Variants in AGAP1 observed in about 807,000 individuals in gnomAD.
The protein encoded by AGAP1 is arf-GAP with GTPase, ANK repeat and PH domain-containing protein 1.
Under a neutral mutation model 105.3 loss-of-function variants are expected in AGAP1, and 29 were observed. That is an observed-to-expected ratio of 0.28 (90% CI 0.21 to 0.38). AGAP1 has a LOEUF of 0.38. Ranked by LOEUF, AGAP1 falls within the 10% of genes least tolerant of loss-of-function variation. AGAP1 has a pLI of 1.00. For synonymous variants in AGAP1, 509 were observed against 485.9 expected (o/e 1.05, Z -0.63); for missense variants, 998 against 1,165.1 (o/e 0.86, Z 2.09).
At chr2:235,852,787 TCAGACCAG>T in intron 9 of AGAP1, 1 of 1,535,596 alleles carries the variant, frequency 6.5e-7, no homozygotes, top group South Asian at 1.2e-5. Context: ...CGAGGGGTGG[TCAGACCAG>T]CCCGCATTGT....
At chr2:235,835,368 T>C (rs1175800076) in intron 9 of AGAP1, among the ~76,000 whole-genome samples, 2 of 152,166 alleles carry the variant, frequency 1.3e-5, no homozygotes, top group Admixed American at 1.3e-4. Context: ...AAATACACAG[T>C]GTATCTTGTG....
chr2:235,852,007 A>G (rs1429679908), intron 9 of AGAP1, among the ~76,000 whole-genome samples: 2 of 152,200 alleles, frequency 1.3e-5, no homozygotes, highest in Non-Finnish European at 2.9e-5. Flanking sequence ...ACCTCCGCTG[A>G]ATAGAGCCCA....
At chr2:235,634,153 A>G (rs1304471546) in intron 1 of AGAP1, among the ~76,000 whole-genome samples, 1 of 152,200 alleles carries the variant, frequency 6.6e-6, no homozygotes, top group African/African-American at 2.4e-5. Context: ...TTTTCCCACA[A>G]TTAATCTTGT....
At chr2:235,654,320 C>G (rs138386462) in intron 1 of AGAP1, among the ~76,000 whole-genome samples, 1 of 152,168 alleles carries the variant, frequency 6.6e-6, no homozygotes, top group Admixed American at 6.5e-5. Context: ...CCAATTGATT[C>G]CTCTGTGCTC....
chr2:235,660,488 T>G lies in AGAP1; in HGVS notation c.164-48691T>G, dbSNP rs989302041. Among the ~76,000 whole-genome samples the G allele has an allele frequency of 3.3e-5, 5 of 152,032 alleles. No individual in the cohort carries two copies. The highest frequency in any genetic ancestry group is 5.9e-5 in the Non-Finnish European group (4 of 68,008). On this transcript the variant is annotated intron_variant, in intron 1 of 17. Coordinates refer to ENST00000304032, the MANE Select transcript of AGAP1 (RefSeq NM_001037131.3). The surrounding 1 kb of genome is among the most constrained non-coding windows in gnomAD (Gnocchi z 5.3). ...GGAGGGGGTTCTATAAATGGAAGTG[T>G]CAGAGCAGGGTGACAGATGCCAAGG...
rs2058107074 is a variant in AGAP1 at position 236,058,549 on chromosome 2, G to A, written c.2114+9268G>A. 6.6e-6 allele frequency among the ~76,000 whole-genome samples: 1 copy of A among 152,114 alleles called. No individual in the cohort carries two copies. Among genetic ancestry groups the A allele is most frequent in the Non-Finnish European group, 1.5e-5 (1 of 68,024 alleles). ...GCCCTTTCATGGTAACAAACACTCA[G>A]CAAACTAGAAATAAAAGGAAACTTG... On this transcript the variant is annotated intron_variant, in intron 16 of 17. Transcript: ENST00000304032. The surrounding 1 kb of genome is among the most constrained non-coding windows in gnomAD (Gnocchi z 4.6).
Position 235,744,900 on chromosome 2 carries a change from A to G in AGAP1, c.538+61A>G. The G allele has an allele frequency of 6.4e-7, 1 of 1,560,578 alleles. No homozygotes were observed. The highest frequency in any genetic ancestry group is 2.3e-5 in the East Asian group (1 of 43,546). Reference sequence around the variant, plus strand: ...GTTCTAACAGTTACATATTTTCAGTATGGAGGAGTTTAAAAAATGCTTTAA... The same window carrying G: ...GTTCTAACAGTTACATATTTTCAGTGTGGAGGAGTTTAAAAAATGCTTTAA... On this transcript the variant is annotated intron_variant, in intron 5 of 17. Transcript: ENST00000304032. This position sits in a 1 kb window ranked among gnomAD's most constrained non-coding sequence, Gnocchi z 5.2.
Position 235,550,282 on chromosome 2 carries a change from C to T in AGAP1, c.163+55433C>T, listed in dbSNP as rs1943763066. Among the ~76,000 whole-genome samples the T allele has an allele frequency of 6.6e-6, 1 of 152,230 alleles. No individual in the cohort carries two copies. Among genetic ancestry groups the T allele is most frequent in the Non-Finnish European group, 1.5e-5 (1 of 68,036 alleles). ...GACTGGCGAGGAGGGCACGTCCCCACGTTCATGCCCTGTACTAGGGTCCCC... is the reference window on the plus strand; with the variant it reads ...GACTGGCGAGGAGGGCACGTCCCCATGTTCATGCCCTGTACTAGGGTCCCC... On this transcript the variant is annotated intron_variant, in intron 1 of 17. Coordinates refer to ENST00000304032, the MANE Select transcript of AGAP1 (RefSeq NM_001037131.3). The surrounding 1 kb of genome is among the most constrained non-coding windows in gnomAD (Gnocchi z 4.6).
At chr2:235,539,993 C>G (rs2149092717) in intron 1 of AGAP1, among the ~76,000 whole-genome samples, 1 of 152,200 alleles carries the variant, frequency 6.6e-6, no homozygotes, top group Middle Eastern at 3.4e-3. Context: ...CTGGACCGCC[C>G]CATCCCTCCC....
chr2:235,828,805 C>T (rs1007765383), intron 9 of AGAP1, among the ~76,000 whole-genome samples: 2 of 152,200 alleles, frequency 1.3e-5, no homozygotes, highest in African/African-American at 4.8e-5. Context: ...ACACGCTAAA[C>T]CACACGAAGA....
At chr2:235,995,247 G>T (rs763598559) in intron 13 of AGAP1, among the ~76,000 whole-genome samples, 3 of 152,012 alleles carry the variant, frequency 2.0e-5, no homozygotes, top group Non-Finnish European at 2.9e-5. Flanking sequence ...AGGCCCAGTG[G>T]CTCATGCCTG....
Position 236,119,882 on chromosome 2 carries a change from T to G in AGAP1, c.2115-310T>G, listed in dbSNP as rs1171706185. On this transcript the variant is annotated intron_variant, in intron 16 of 17. Coordinates refer to ENST00000304032, the MANE Select transcript of AGAP1 (RefSeq NM_001037131.3). The surrounding 1 kb of genome is among the most constrained non-coding windows in gnomAD (Gnocchi z 6.6). ...ACCAAGGCAGTGTATGAGCCTGAGA[T>G]CAGCGGCTCTCACACCTTGGGCCTA... 6.6e-6 allele frequency among the ~76,000 whole-genome samples: 1 copy of G among 152,110 alleles called. No individual in the cohort carries two copies. Among genetic ancestry groups the G allele is most frequent in the African/African-American group, 2.4e-5 (1 of 41,418 alleles).
chr2:235,839,960 C>G (rs1960618973), intron 9 of AGAP1, among the ~76,000 whole-genome samples: 1 of 152,166 alleles, frequency 6.6e-6, no homozygotes, highest in Non-Finnish European at 1.5e-5. Flanking sequence ...AGGGAGGCAG[C>G]ATACCCAGAA....
intron 1 of AGAP1, among the ~76,000 whole-genome samples, chr2:235,512,495 G>A (rs1942189889): frequency 6.6e-6 from 1 of 152,212 alleles, no homozygotes; most frequent in African/African-American, 2.4e-5. Flanking sequence ...TCAGGAGGCT[G>A]AGGTGAGAGG....
chr2:235,912,952 C>G (rs1474309314), intron 11 of AGAP1, among the ~76,000 whole-genome samples: 2 of 152,102 alleles, frequency 1.3e-5, no homozygotes, highest in African/African-American at 2.4e-5. Context: ...TTAGGTGTAT[C>G]CTTTGCCCAT....
Position 235,689,349 on chromosome 2 carries a change from C to G in AGAP1, c.164-19830C>G, listed in dbSNP as rs1291211809. Among the ~76,000 whole-genome samples the G allele has an allele frequency of 2.0e-5, 3 of 152,242 alleles. No individual in the cohort carries two copies. Among genetic ancestry groups the G allele is most frequent in the Non-Finnish European group, 4.4e-5 (3 of 68,046 alleles). Reference sequence around the variant, plus strand: ...ACCACGCGGGCCTGGAGTGAGCCTGCTGCTGTTCATCGGCCCGTAGGGTCT... The same window carrying G: ...ACCACGCGGGCCTGGAGTGAGCCTGGTGCTGTTCATCGGCCCGTAGGGTCT... On this transcript the variant is annotated intron_variant, in intron 1 of 17. Transcript: ENST00000304032. This position sits in a 1 kb window ranked among gnomAD's most constrained non-coding sequence, Gnocchi z 4.2.
intron 12 of AGAP1, among the ~76,000 whole-genome samples, chr2:235,952,873 A>G (rs2053797422): frequency 6.6e-6 from 1 of 152,268 alleles, no homozygotes; most frequent in South Asian, 2.1e-4. Flanking sequence ...ATAAATTACC[A>G]GTGGAACCCA....
At chr2:235,649,370 T>C (rs1399026822) in intron 1 of AGAP1, among the ~76,000 whole-genome samples, 1 of 152,148 alleles carries the variant, frequency 6.6e-6, no homozygotes, top group Non-Finnish European at 1.5e-5. Context: ...GCAGTTTTAA[T>C]TTATTGTTTT....
Position 235,728,326 on chromosome 2 carries a change from T to TGTGTGTGTGTGTGTGCGCGC in AGAP1, c.310+10683_310+10684insTGTGTGTGTGTGTGCGCGCG, listed in dbSNP as rs986896995. Among the ~76,000 whole-genome samples the TGTGTGTGTGTGTGTGCGCGC allele has an allele frequency of 4.0e-5, 6 of 151,628 alleles. No individual in the cohort carries two copies. Among genetic ancestry groups the TGTGTGTGTGTGTGTGCGCGC allele is most frequent in the African/African-American group, 1.2e-4 (5 of 41,084 alleles). On this transcript the variant is annotated intron_variant, in intron 3 of 17. Coordinates refer to ENST00000304032, the MANE Select transcript of AGAP1 (RefSeq NM_001037131.3). This position sits in a 1 kb window ranked among gnomAD's most constrained non-coding sequence, Gnocchi z 4.3. Reference sequence around the variant, plus strand: ...CTGTGTGTGTGTGTGTGTGTGTGTGTGCGTGCTCTTAAATCAATGTAAATT... The same window carrying TGTGTGTGTGTGTGTGCGCGC: ...CTGTGTGTGTGTGTGTGTGTGTGTGTGTGTGTGTGTGTGTGCGCGCGCGTGCTCTTAAATCAATGTAAATT...
Sources: allele counts gnomAD v4.1 joint callset (sites outside exome capture counted in the v4.1 genomes callset), GRCh38; gene constraint gnomAD v4.1.1; non-coding constraint Gnocchi (gnomAD v3.1); transcripts MANE v1.5; gene names NCBI Gene and HGNC (gene_info 2026-07-23, HGNC 2026-07-21).